Variants in PGM3 observed in about 807,000 individuals in gnomAD.
The protein encoded by PGM3 is phosphoacetylglucosamine mutase.
PGM3 carries 40 observed loss-of-function variants against 66.2 expected under a neutral mutation model. The observed-to-expected ratio is 0.60, with a 90% CI of 0.47 to 0.79. The LOEUF (loss-of-function observed/expected upper bound fraction) is 0.79. Among genes scored for constraint, PGM3 ranks in the 30% least tolerant of loss-of-function variants. PGM3 has a pLI of 0.00. For synonymous variants in PGM3, 191 were observed against 224.2 expected (o/e 0.85, Z 1.32); for missense variants, 537 against 643.4 (o/e 0.83, Z 1.79).
intron 10 of PGM3, among the ~76,000 whole-genome samples, chr6:83,173,697 A>G (rs1214531321): frequency 1.3e-5 from 2 of 152,076 alleles, no homozygotes; most frequent in Admixed American, 6.6e-5. Context: ...TCCAACCCCA[A>G]CTAACCCACA....
intron 4 of PGM3, among the ~76,000 whole-genome samples, chr6:83,186,254 G>C (rs925191678): frequency 6.6e-6 from 1 of 152,078 alleles, no homozygotes; most frequent in Non-Finnish European, 1.5e-5. Flanking sequence ...GGGTGGGCTG[G>C]GGAGACATTT....
chr6:83,168,086 C>T lies in PGM3; in HGVS notation c.*1148G>A. On this transcript the variant is annotated 3_prime_UTR_variant, in exon 13 of 13. Transcript: ENST00000513973. ...ATAAGGACATGAAACTGGAGAACCA[C>T]AAACCATGTTCCAGCAAAGCCAGGC... The T allele has an allele frequency of 2.5e-6, 4 of 1,614,160 alleles. No homozygotes were observed. The highest frequency in any genetic ancestry group is 3.4e-6 in the Non-Finnish European group (4 of 1,180,032).
At chr6:83,164,073 G>A (rs1562391337), downstream of PGM3, among the ~76,000 whole-genome samples, 1 of 148,180 alleles carries the variant, frequency 6.7e-6, no homozygotes, top group Non-Finnish European at 1.5e-5. Context: ...TACAATTTGG[G>A]AGTGATCTAG....
rs1785347391 is a variant in PGM3, at chr6:83,165,752, T to C, written c.*3482A>G. On this transcript the variant is annotated 3_prime_UTR_variant, in exon 13 of 13. Coordinates refer to ENST00000513973, the MANE Select transcript of PGM3 (RefSeq NM_015599.3). ...AAACTTCATAGCCCAATTAGTTCAA[T>C]TTTCGAAGCGTTGGTTGTGCAACGT... The C allele has an allele frequency of 4.2e-6, 1 of 239,500 alleles. No homozygotes were observed. Among genetic ancestry groups the C allele is most frequent in the Non-Finnish European group, 8.8e-6 (1 of 114,144 alleles). The allele number at this position is 239,500 out of a possible 1,614,324, so 14.8% of individuals were successfully genotyped here.
At chr6:83,156,214 C>A, downstream of PGM3, 3 of 798,266 alleles carry the variant, frequency 3.8e-6, no homozygotes, top group Non-Finnish European at 5.5e-6. Flanking sequence ...GTAGATCAAT[C>A]GGGAATTAGA....
chr6:83,173,759 C>G (rs182931122), intron 10 of PGM3, among the ~76,000 whole-genome samples: 2 of 152,176 alleles, frequency 1.3e-5, no homozygotes, highest in Admixed American at 1.3e-4. Flanking sequence ...GTTTTTGAGA[C>G]AGAGTCTCGC....
intron 1 of PGM3, among the ~76,000 whole-genome samples, chr6:83,192,762 T>C (rs1186513656): frequency 6.6e-6 from 1 of 151,996 alleles, no homozygotes; most frequent in African/African-American, 2.4e-5. Context: ...GCCCTACAAC[T>C]ACTTTCAATG....
At chr6:83,185,356 G>A (rs1001009597) in intron 4 of PGM3, among the ~76,000 whole-genome samples, 1 of 152,206 alleles carries the variant, frequency 6.6e-6, no homozygotes, top group Non-Finnish European at 1.5e-5. Context: ...AGCACACATT[G>A]ACATGTCATG....
chr6:83,154,468 T>G, the PGM3 span, among the ~76,000 whole-genome samples: 1 of 152,226 alleles, frequency 6.6e-6, no homozygotes, highest in African/African-American at 2.4e-5. Context: ...GTAAAACTAT[T>G]TGTCCTTTTG....
In PGM3 at chr6:83,181,724, A is replaced by AGTAC. The variant is rs1195227483; in HGVS notation, c.787+8_787+11dup. ...ATTAAAAACAAATTTTTGCAGTGCT[A>AGTAC]GTACGACATACCCTGTGGAGGTTTC... On this transcript the variant is annotated intron_variant, in intron 6 of 12. Transcript: ENST00000513973. The AGTAC allele has an allele frequency of 6.3e-7, 1 of 1,589,824 alleles. No individual in the cohort carries two copies. The highest frequency in any genetic ancestry group is 1.8e-5 in the Admixed American group (1 of 55,210).
rs185222863 is a variant in PGM3 at position 83,167,799 on chromosome 6, A to T, written c.*1435T>A. On this transcript the variant is annotated 3_prime_UTR_variant, in exon 13 of 13. Coordinates refer to ENST00000513973, the MANE Select transcript of PGM3 (RefSeq NM_015599.3). Reference sequence around the variant, plus strand: ...CAATTGCCAAAGTTTATATATTTTTAATTTTTCTAACATACCACATTGTCT... The same window carrying T: ...CAATTGCCAAAGTTTATATATTTTTTATTTTTCTAACATACCACATTGTCT... 235 of 1,493,330 alleles carry T rather than the reference A, an allele frequency of 1.6e-4. 1 individual carries two copies. In the African/African-American group the frequency reaches 3.1e-3, roughly 20 times the overall value. 92.5% of individuals were successfully genotyped at this position (1,493,330 alleles called of 1,614,324 possible).
At position 83,174,485 on chromosome 6, in the gene PGM3, T is replaced by C. The variant is rs1177488532; in HGVS notation, c.1131A>G (p.Ala377=). The C allele has an allele frequency of 2.7e-6, 4 of 1,506,542 alleles. No individual in the cohort carries two copies. The highest frequency in any genetic ancestry group is 3.6e-6 in the Non-Finnish European group (4 of 1,101,308). The allele number at this position is 1,506,542 out of a possible 1,614,324, so 93.3% of individuals were successfully genotyped here. The change falls in exon 10 of 13, where the codon GCA becomes GCG. Residue 377 remains alanine, a splice_region_variant and synonymous_variant. Coordinates refer to ENST00000513973, the MANE Select transcript of PGM3 (RefSeq NM_015599.3). Reference sequence around the variant, plus strand: ...TCATTTCAACAGCTGTACTAAACAGTGCCTGCAGCAAAAGAATATAAAATC... The same window carrying C: ...TCATTTCAACAGCTGTACTAAACAGCGCCTGCAGCAAAAGAATATAAAATC... ...VYFEANGHGT[A]LFSTAVEMKI...
At chr6:83,153,486 CTCT>C in the PGM3 span, 3 of 1,495,618 alleles carry the variant, frequency 2.0e-6, no homozygotes, top group Non-Finnish European at 2.7e-6. Flanking sequence ...TCATATGTTA[CTCT>C]TCATTTTTTA....
Position 83,181,729 on chromosome 6 carries a change from G to T in PGM3, c.787+7C>A. ...AAACAAATTTTTGCAGTGCTAGTAC[G>T]ACATACCCTGTGGAGGTTTCTGATG... On this transcript the variant is annotated splice_region_variant and intron_variant, in intron 6 of 12. Coordinates refer to ENST00000513973, the MANE Select transcript of PGM3 (RefSeq NM_015599.3). The T allele has an allele frequency of 6.2e-7, 1 of 1,600,906 alleles. No individual in the cohort carries two copies. The highest frequency in any genetic ancestry group is 1.1e-5 in the South Asian group (1 of 89,112).
chr6:83,188,936 C>T, intron 2 of PGM3, 138 bp from the exon 3 acceptor site: 2 of 619,730 alleles, frequency 3.2e-6, no homozygotes, highest in Non-Finnish European at 2.8e-6. Context: ...AATATTAATA[C>T]TGGACCCTGG....
chr6:83,182,020 A>C (rs906023562), intron 5 of PGM3, 89 bp from the exon 6 acceptor site: 2 of 625,018 alleles, frequency 3.2e-6, no homozygotes, highest in South Asian at 9.0e-5. Context: ...GTGCATATGT[A>C]AATATTTAGT....
chr6:83,182,919 C>T lies in PGM3; in HGVS notation c.517G>A (p.Gly173Ser). 1 of 1,613,918 alleles carries T rather than the reference C, an allele frequency of 6.2e-7. No homozygotes were observed. ...TCTATAGTTGCCTTTCCATATCGGC[C>T]ACCCGTGTTTCGACAATACACCATG... ...HYMVYCRNTG[G>S]RYGKATIEGY... The change falls in exon 5 of 13, where the codon GGC (glycine) becomes AGC (serine). Residue 173 changes from glycine (G) to serine (S), a missense_variant. Gly to Ser is a moderately conservative substitution (Grantham distance 56). Transcript: ENST00000513973.
intron 1 of PGM3, chr6:83,192,967 C>G (rs1307016030): frequency 6.6e-6 from 1 of 152,324 alleles, no homozygotes; most frequent in Non-Finnish European, 1.5e-5. Flanking sequence ...CGTACCAGAG[C>G]CCCGGCAGGA....
downstream of PGM3, among the ~76,000 whole-genome samples, chr6:83,157,794 C>A (rs1386624660): frequency 6.6e-6 from 1 of 152,112 alleles, no homozygotes; most frequent in Non-Finnish European, 1.5e-5. Context: ...TTGTAACCTA[C>A]CAAACGGTAA....
Sources: gnomAD v4.1 joint callset for allele counts (sites outside exome capture counted in the v4.1 genomes callset) on GRCh38, gnomAD v4.1.1 for gene constraint, MANE v1.5 for transcripts, NCBI Gene and HGNC (gene_info 2026-07-23, HGNC 2026-07-21) for gene names.